The following DEFA6 variants were observed in gnomAD, a reference collection of about 807,000 sequenced individuals.
The protein encoded by DEFA6 is defensin alpha 6, also known as defensin-6.
A neutral mutation model predicts 5.1 loss-of-function variants in DEFA6; 8 were observed. The ratio of observed to expected loss-of-function variants is 1.57; its 90% confidence interval spans 0.92 to 2.83. The LOEUF is 2.83. Ranked by LOEUF, DEFA6 falls within the 30% of genes most tolerant of loss-of-function variation. The pLI, the probability that DEFA6 is intolerant of heterozygous loss-of-function variation, is 0.00. For missense variants in DEFA6, 191 were observed against 119.1 expected (o/e 1.60, Z -2.81); for synonymous variants, 74 against 45.3 (o/e 1.63, Z -2.54).
rs781513403 is a variant in DEFA6 at position 6,925,881 on chromosome 8, G to C, written c.155C>G (p.Ser52Cys). The change falls in exon 1 of 2, where the codon TCC (serine) becomes TGC (cysteine). Residue 52 changes from serine to cysteine, a missense_variant. Ser to Cys is a moderately radical substitution (Grantham distance 112). Transcript: ENST00000297436. The stretch of plus-strand genomic sequence containing the variant: ...ACTTGAGCTTGCATCCTCTGCAAAG[G>C]AGACGGCAAAGTCCTGGTCATTTGC... ...RGANDQDFAV[S>C]FAEDASSSLR... 2.5e-6 allele frequency: 4 copies of C among 1,614,028 alleles called. No individual in the cohort carries two copies. The South Asian group carries it at 3.3e-5, about 13-fold the overall frequency.
Position 6,924,941 on chromosome 8 carries a change from G to C in DEFA6, c.194-14C>G. 6.4e-7 allele frequency: 1 copy of C among 1,573,002 alleles called. No individual in the cohort carries two copies. On this transcript the variant is annotated splice_polypyrimidine_tract_variant and intron_variant, in intron 1 of 1. Transcript: ENST00000297436. ...CCCTTGTTGAGCCTGGGGACAGAGA[G>C]AGAGAGCATCAGAAATTGAGCACCA...
chr8:6,925,066 A>G (rs1808381865), intron 1 of DEFA6, 139 bp from the exon 2 acceptor site: 2 of 600,528 alleles, frequency 3.3e-6, no homozygotes, highest in Admixed American at 2.6e-5. Context: ...CACACCATCA[A>G]TAGGAATAAA....
Position 6,924,755 on chromosome 8 carries a change from C to G in DEFA6, c.*63G>C. The stretch of plus-strand genomic sequence containing the variant: ...AAAGTTGATGGCAATGTATAGGACA[C>G]ACGACAGTTTCCTTCTAGGTCATAA... On this transcript the variant is annotated 3_prime_UTR_variant, in exon 2 of 2. Coordinates refer to ENST00000297436, the MANE Select transcript of DEFA6 (RefSeq NM_001926.4). 5 of 1,180,052 alleles carry G rather than the reference C, an allele frequency of 4.2e-6. No individual in the cohort carries two copies. The highest frequency in any genetic ancestry group is 6.2e-6 in the Non-Finnish European group (5 of 812,642). 73.1% of individuals were successfully genotyped at this position (1,180,052 alleles called of 1,614,324 possible). A position where few individuals can be genotyped will look rare whatever the true frequency, so the allele number is the denominator to read the frequency against.
At position 6,925,907 on chromosome 8, in the gene DEFA6, C is replaced by G; in HGVS notation, c.129G>C (p.Gly43=). Residue 43 remains glycine (G), a synonymous_variant, in exon 1 of 2, where the codon GGG becomes GGC. Coordinates refer to ENST00000297436, the MANE Select transcript of DEFA6 (RefSeq NM_001926.4). ...AGACGGCAAAGTCCTGGTCATTTGC[C>G]CCACGCTGCTCCTGGGCATCAGCCT... The part of the protein sequence containing the change: ...AYEADAQEQR[G]ANDQDFAVSF... The G allele has an allele frequency of 6.2e-7, 1 of 1,614,118 alleles. No individual in the cohort carries two copies. The highest frequency in any genetic ancestry group is 8.5e-7 in the Non-Finnish European group (1 of 1,180,024).
rs754818063 is a variant in DEFA6, at chr8:6,925,909, C to A, written c.127G>T (p.Gly43Trp). ...ACGGCAAAGTCCTGGTCATTTGCCC[C>A]ACGCTGCTCCTGGGCATCAGCCTCA... is the stretch of plus-strand genomic sequence containing the variant. ...AYEADAQEQR[G>W]ANDQDFAVSF... Residue 43 changes from glycine (G) to tryptophan (W), a missense_variant, in exon 1 of 2, where the codon GGG becomes TGG. Transcript: ENST00000297436. The A allele has an allele frequency of 6.2e-7, 1 of 1,614,040 alleles. No homozygotes were observed. Among genetic ancestry groups the A allele is most frequent in the Admixed American group, 1.7e-5 (1 of 60,002 alleles).
chr8:6,925,444 G>T (rs2741691), intron 1 of DEFA6, among the ~76,000 whole-genome samples: 83,826 of 151,836 alleles, frequency 0.55, 24,032 homozygotes, highest in African/African-American at 0.7. Context: ...AGAGAATTGC[G>T]TGAACCCAGG....
intron 1 of DEFA6, among the ~76,000 whole-genome samples, chr8:6,925,200 G>T (rs529560877): frequency 3.9e-5 from 6 of 152,254 alleles, no homozygotes; most frequent in African/African-American, 1.4e-4. Flanking sequence ...AGTTTGCAAC[G>T]GTTCCTATAA....
intron 1 of DEFA6, 99 bp downstream of exon 1, chr8:6,925,744 G>T (rs1808408516): frequency 1.0e-6 from 1 of 1,000,362 alleles, no homozygotes; most frequent in Non-Finnish European, 1.4e-6. Flanking sequence ...GCCTGGGGAG[G>T]TGATCACCTA....
rs925187221 is a variant in DEFA6 at position 6,925,695 on chromosome 8, C to G, written c.193+148G>C. On this transcript the variant is annotated intron_variant, in intron 1 of 1. Coordinates refer to ENST00000297436, the MANE Select transcript of DEFA6 (RefSeq NM_001926.4). ...GAGAAAAGTCATGCCTTGAATATCA[C>G]TGATTCTTCCTTTTCAGTACAAACA... 6 of 552,812 alleles carry G rather than the reference C, an allele frequency of 1.1e-5. No individual in the cohort carries two copies. The East Asian group carries it at 1.6e-4, about 15-fold the overall frequency. The allele number at this position is 552,812 out of a possible 1,614,324, so 34.2% of individuals were successfully genotyped here.
intron 1 of DEFA6, among the ~76,000 whole-genome samples, chr8:6,925,392 G>C (rs1011007038): frequency 6.6e-6 from 1 of 151,994 alleles, no homozygotes; most frequent in African/African-American, 2.4e-5. Flanking sequence ...GCCAGGCTTG[G>C]TGTCTGGTGC....
At chr8:6,924,994 C>A (rs1808376788) in intron 1 of DEFA6, 67 bp from the exon 2 acceptor site, 7 of 1,061,598 alleles carry the variant, frequency 6.6e-6, no homozygotes, top group Non-Finnish European at 8.6e-6. Flanking sequence ...TAAAGAGAAT[C>A]TTCAGGAAGT....
At position 6,925,954 on chromosome 8, in the gene DEFA6, G is replaced by C. The variant is rs1159511908; in HGVS notation, c.82C>G (p.Pro28Ala). Residue 28 changes from proline (P) to alanine (A), a missense_variant, in exon 1 of 2, where the codon CCA becomes GCA. Physicochemically the swap from Pro to Ala is conservative, Grantham distance 27 (BLOSUM62 -1). Coordinates refer to ENST00000297436, the MANE Select transcript of DEFA6 (RefSeq NM_001926.4). Reference sequence around the variant, plus strand: ...GCCTCATAAGCTTTTGCCTGCAGTGGATCATCCTCAGCTTGGAGTGGCTCA... The same window carrying C: ...GCCTCATAAGCTTTTGCCTGCAGTGCATCATCCTCAGCTTGGAGTGGCTCA... ...KAEPLQAEDD[P>A]LQAKAYEADA... 1 of 1,613,986 alleles carries C rather than the reference G, an allele frequency of 6.2e-7. No homozygotes were observed. The highest frequency in any genetic ancestry group is 2.2e-5 in the East Asian group (1 of 44,890).
chr8:6,925,943 T>A lies in DEFA6; in HGVS notation c.93A>T (p.Ala31=). 1 of 1,614,078 alleles carries A rather than the reference T, an allele frequency of 6.2e-7. No individual in the cohort carries two copies. The highest frequency in any genetic ancestry group is 8.5e-7 in the Non-Finnish European group (1 of 1,180,006). The change falls in exon 1 of 2, where the codon GCA becomes GCT. Residue 31 remains alanine, a synonymous_variant. Transcript: ENST00000297436. The part of the protein sequence containing the change: ...PLQAEDDPLQ[A]KAYEADAQEQ... The stretch of plus-strand genomic sequence containing the variant: ...CCTGGGCATCAGCCTCATAAGCTTT[T>A]GCCTGCAGTGGATCATCCTCAGCTT...
In DEFA6 at chr8:6,924,817, C is replaced by G. The variant is rs1421154677; in HGVS notation, c.*1G>C. The G allele has an allele frequency of 6.3e-7, 1 of 1,593,028 alleles. No individual in the cohort carries two copies. Among genetic ancestry groups the G allele is most frequent in the African/African-American group, 1.3e-5 (1 of 74,588 alleles). ...AATATATTTCTCTCTGTTCTCATCC[C>G]TCAGAGGCAGCAGAATCTGTGGTTA... On this transcript the variant is annotated 3_prime_UTR_variant, in exon 2 of 2. Coordinates refer to ENST00000297436, the MANE Select transcript of DEFA6 (RefSeq NM_001926.4).
At position 6,924,921 on chromosome 8, in the gene DEFA6, G is replaced by A. The variant is rs1025990165; in HGVS notation, c.200C>T (p.Thr67Ile). Residue 67 changes from threonine (T) to isoleucine (I), a missense_variant, in exon 2 of 2, where the codon ACA becomes ATA. Thr to Ile is a moderately conservative substitution (Grantham distance 89). Transcript: ENST00000297436. ...ASSSLRALGS[T>I]RAFTCHCRRS... is the part of the protein sequence containing the mutation. ...TCTGCAATGGCAAGTGAAAGCCCTTGTTGAGCCTGGGGACAGAGAGAGAGA... is the reference window on the plus strand; with the variant it reads ...TCTGCAATGGCAAGTGAAAGCCCTTATTGAGCCTGGGGACAGAGAGAGAGA... The A allele has an allele frequency of 1.9e-6, 3 of 1,605,692 alleles. No homozygotes were observed. The highest frequency in any genetic ancestry group is 1.3e-5 in the African/African-American group (1 of 74,944).
At chr8:6,925,433 G>A (rs1488061424) in intron 1 of DEFA6, among the ~76,000 whole-genome samples, 4 of 152,092 alleles carry the variant, frequency 2.6e-5, no homozygotes, top group Non-Finnish European at 5.9e-5. Flanking sequence ...GAGGCTGAGG[G>A]AGAGAATTGC....
In DEFA6 at chr8:6,925,869, T is replaced by G; in HGVS notation, c.167A>C (p.Asp56Ala). 1 of 1,613,800 alleles carries G rather than the reference T, an allele frequency of 6.2e-7. No individual in the cohort carries two copies. The highest frequency in any genetic ancestry group is 8.5e-7 in the Non-Finnish European group (1 of 1,179,918). Residue 56 changes from aspartate to alanine, a missense_variant, in exon 1 of 2, where the codon GAT (aspartate) becomes GCT (alanine). Physicochemically the swap from Asp to Ala is moderately radical, Grantham distance 126. Coordinates refer to ENST00000297436, the MANE Select transcript of DEFA6 (RefSeq NM_001926.4). Reference sequence around the variant, plus strand: ...CAAAGCTCTAAGACTTGAGCTTGCATCCTCTGCAAAGGAGACGGCAAAGTC... The same window carrying G: ...CAAAGCTCTAAGACTTGAGCTTGCAGCCTCTGCAAAGGAGACGGCAAAGTC... ...DQDFAVSFAE[D>A]ASSSLRALGS...
At position 6,925,931 on chromosome 8, in the gene DEFA6, C is replaced by A. The variant is rs113837602; in HGVS notation, c.105G>T (p.Glu35Asp). 2 of 1,613,904 alleles carry A rather than the reference C, an allele frequency of 1.2e-6. No individual in the cohort carries two copies. Among genetic ancestry groups the A allele is most frequent in the Non-Finnish European group, 1.7e-6 (2 of 1,180,036 alleles). The change falls in exon 1 of 2, where the codon GAG becomes GAT. Residue 35 changes from glutamate (E) to aspartate (D), a missense_variant. Physicochemically the swap from Glu to Asp is conservative, Grantham distance 45. Coordinates refer to ENST00000297436, the MANE Select transcript of DEFA6 (RefSeq NM_001926.4). ...EDDPLQAKAY[E>D]ADAQEQRGAN... is the part of the protein sequence containing the mutation. Reference sequence around the variant, plus strand: ...CCCCACGCTGCTCCTGGGCATCAGCCTCATAAGCTTTTGCCTGCAGTGGAT... The same window carrying A: ...CCCCACGCTGCTCCTGGGCATCAGCATCATAAGCTTTTGCCTGCAGTGGAT...
chr8:6,925,373 C>G (rs1808395537), intron 1 of DEFA6, among the ~76,000 whole-genome samples: 1 of 148,430 alleles, frequency 6.7e-6, no homozygotes, highest in South Asian at 2.1e-4. Flanking sequence ...AAAAAAAATA[C>G]AAAATTTAGC....
Sources: allele counts gnomAD v4.1 joint callset (sites outside exome capture counted in the v4.1 genomes callset), GRCh38; gene constraint gnomAD v4.1.1; transcripts MANE v1.5; gene names NCBI Gene and HGNC (gene_info 2026-07-23, HGNC 2026-07-21).